DIAPH1: variants seen among roughly 807,000 people sequenced by gnomAD.
The protein encoded by DIAPH1 is diaphanous related formin 1.
In DIAPH1, 46 loss-of-function variants were observed where a neutral mutation model predicts 140.7. The observed-to-expected ratio is 0.33, with a 90% confidence interval of 0.26 to 0.42. The LOEUF is 0.42. Among genes scored for constraint, DIAPH1 ranks in the 10% least tolerant of loss-of-function variants. The pLI is 1.00. For missense variants in DIAPH1, 1,310 were observed against 1,558.7 expected (o/e 0.84, Z 2.69); for synonymous variants, 565 against 551.6 (o/e 1.02, Z -0.34).
intron 15 of DIAPH1, 56 bp from the exon 16 acceptor site, chr5:141,574,264 A>C (rs2099895625): frequency 5.1e-6 from 8 of 1,558,256 alleles, no homozygotes; most frequent in Admixed American, 1.7e-5. Flanking sequence ...GACTACTGGG[A>C]CTGGAAGGAA....
chr5:141,608,805 G>A (rs185945559), intron 1 of DIAPH1, among the ~76,000 whole-genome samples: 7 of 152,300 alleles, frequency 4.6e-5, no homozygotes, highest in Admixed American at 2.6e-4. Flanking sequence ...CATTACAACA[G>A]TCAAATTTCA....
intron 1 of DIAPH1, among the ~76,000 whole-genome samples, chr5:141,600,263 T>C (rs897596934): frequency 6.6e-6 from 1 of 152,210 alleles, no homozygotes; most frequent in Non-Finnish European, 1.5e-5. Context: ...GAACTGAATT[T>C]GGCAAACAAT....
In DIAPH1 at chr5:141,537,121, CTG is replaced by C. The variant is rs376023742; in HGVS notation, c.2483-2690_2483-2689del. Among the ~76,000 whole-genome samples the C allele has an allele frequency of 2.3e-3, 349 of 151,854 alleles. 4 individuals carry two copies. The highest frequency in any genetic ancestry group is 7.9e-3 in the African/African-American group (328 of 41,418). ...AGGTTGAGGCTGCAGTGAGCCATGA[CTG>C]TGCCACTGCACTCCAGCCTGGATGA... On this transcript the variant is annotated intron_variant, in intron 18 of 27. Transcript: ENST00000389054.
At chr5:141,568,461 A>C (rs1376170490) in intron 18 of DIAPH1, among the ~76,000 whole-genome samples, 2 of 152,230 alleles carry the variant, frequency 1.3e-5, no homozygotes, top group African/African-American at 4.8e-5. Flanking sequence ...CTGGCAGGGA[A>C]TAAGTTAACT....
At chr5:141,543,379 G>A (rs2099890299) in intron 18 of DIAPH1, among the ~76,000 whole-genome samples, 1 of 152,184 alleles carries the variant, frequency 6.6e-6, no homozygotes. Flanking sequence ...GTAGGAAGTG[G>A]CTGCTAGTGG....
chr5:141,588,275 G>T, intron 1 of DIAPH1, 25 bp from the exon 2 acceptor site: 1 of 1,596,242 alleles, frequency 6.3e-7, no homozygotes, highest in Non-Finnish European at 8.6e-7. Flanking sequence ...AAAGGAGGGA[G>T]AAGAAAGAAG....
At chr5:141,583,099 C>T in intron 6 of DIAPH1, 107 bp downstream of exon 6, 1 of 978,790 alleles carries the variant, frequency 1.0e-6, no homozygotes, top group Non-Finnish European at 1.7e-6. Flanking sequence ...CAGTACATTC[C>T]CCTAGCCCAC....
rs1482120810 is a variant in DIAPH1 at position 141,571,945 on chromosome 5, G to A, written c.2454C>T (p.Thr818=). 3.1e-6 allele frequency: 5 copies of A among 1,613,862 alleles called. No individual in the cohort carries two copies. In the African/African-American group the frequency reaches 4.0e-5, roughly 13 times the overall value. The change falls in exon 17 of 28, where the codon ACC becomes ACT. Residue 818 remains threonine, a synonymous_variant. Transcript: ENST00000389054. ...NNELFAKLTL[T]FSAQTKTSKA... The stretch of plus-strand genomic sequence containing the variant: ...ACTCACTCTTGGTCTGGGCAGAGAA[G>A]GTAAGGGTAAGTTTGGCGAAAAGTT...
intron 7 of DIAPH1, among the ~76,000 whole-genome samples, chr5:141,581,120 T>C (rs1276379879): frequency 6.6e-6 from 1 of 152,166 alleles, no homozygotes; most frequent in East Asian, 1.9e-4. Flanking sequence ...ATATGACCAG[T>C]GTCCTTATAA....
At chr5:141,555,718 A>AT (rs1380388110) in intron 18 of DIAPH1, among the ~76,000 whole-genome samples, 3 of 152,026 alleles carry the variant, frequency 2.0e-5, no homozygotes, top group African/African-American at 7.3e-5. Context: ...AAAGAGGAAA[A>AT]TTTTTTCTGC....
intron 18 of DIAPH1, among the ~76,000 whole-genome samples, chr5:141,559,644 G>A (rs1429213076): frequency 2.0e-5 from 3 of 152,190 alleles, no homozygotes; most frequent in African/African-American, 7.2e-5. Flanking sequence ...GTTTCCCACA[G>A]ATACTTTCCC....
chr5:141,538,852 G>A (rs1311624978), intron 18 of DIAPH1, among the ~76,000 whole-genome samples: 1 of 152,202 alleles, frequency 6.6e-6, no homozygotes, highest in East Asian at 1.9e-4. Context: ...ATAGACATGA[G>A]CCACCACACC....
intron 1 of DIAPH1, among the ~76,000 whole-genome samples, chr5:141,605,304 T>C (rs1484545215): frequency 6.6e-6 from 1 of 152,126 alleles, no homozygotes; most frequent in African/African-American, 2.4e-5. Context: ...AAAGGCAATG[T>C]TGTAAAAATA....
chr5:141,558,048 A>G (rs2099892921), intron 18 of DIAPH1, among the ~76,000 whole-genome samples: 1 of 152,186 alleles, frequency 6.6e-6, no homozygotes, highest in Admixed American at 6.5e-5. Context: ...CCTGGCGGCC[A>G]AGATAGGGAG....
At position 141,565,123 on chromosome 5, in the gene DIAPH1, A is replaced by C. The variant is rs1407888957; in HGVS notation, c.2482+6305T>G. On this transcript the variant is annotated intron_variant, in intron 18 of 27. Coordinates refer to ENST00000389054, the MANE Select transcript of DIAPH1 (RefSeq NM_005219.5). The surrounding 1 kb of genome is among the most constrained non-coding windows in gnomAD (Gnocchi z 4.3). ...GGAAAACTTATTTGTATTATATGAC[A>C]GAATACAACTATCAGAAATAATGAC... is the stretch of plus-strand genomic sequence containing the variant. 1 of 152,238 alleles carries C rather than the reference A, an allele frequency of 6.6e-6. No individual in the cohort carries two copies. Among genetic ancestry groups the C allele is most frequent in the East Asian group, 1.9e-4 (1 of 5,196 alleles). The allele number at this position is 152,238 out of a possible 1,614,324, so 9.4% of individuals were successfully genotyped here.
rs2099886962 is a variant in DIAPH1 at position 141,524,227 on chromosome 5, C to T, written c.3577G>A (p.Gly1193Ser). The T allele has an allele frequency of 3.1e-6, 5 of 1,613,914 alleles. No individual in the cohort carries two copies. In the South Asian group the frequency reaches 5.5e-5, roughly 18 times the overall value. ...CTGTCCATCACACCTGTCTCATCGC[C>T]CTCTGTTATAAAGAACAAGATGGAG... The part of the protein sequence containing the change: ...REQLIDMNAE[G>S]DETGVMDSLL... The change falls in exon 27 of 28, where the codon GGC becomes AGC. Residue 1193 changes from glycine to serine, a missense_variant and splice_region_variant. Transcript: ENST00000389054.
intron 18 of DIAPH1, among the ~76,000 whole-genome samples, chr5:141,552,073 T>C (rs575199454): frequency 4.6e-5 from 7 of 152,338 alleles, no homozygotes; most frequent in South Asian, 2.1e-4. Context: ...TCTGGGAATA[T>C]TGAACAAGCT....
intron 18 of DIAPH1, among the ~76,000 whole-genome samples, chr5:141,543,329 G>GT (rs2099890289): frequency 6.6e-6 from 1 of 152,192 alleles, no homozygotes; most frequent in African/African-American, 2.4e-5. Flanking sequence ...CCATATGATA[G>GT]TAAGTAAATT....
intron 1 of DIAPH1, among the ~76,000 whole-genome samples, chr5:141,600,203 C>T (rs945388804): frequency 2.0e-5 from 3 of 152,148 alleles, no homozygotes; most frequent in Non-Finnish European, 4.4e-5. Context: ...AGAACAGTTC[C>T]CCGGTGACAG....
Sources: gnomAD v4.1 joint callset for allele counts (sites outside exome capture counted in the v4.1 genomes callset) on GRCh38, gnomAD v4.1.1 for gene constraint, Gnocchi (gnomAD v3.1) non-coding constraint, MANE v1.5 for transcripts, NCBI Gene and HGNC (gene_info 2026-07-23, HGNC 2026-07-21) for gene names.